ANGPTL2: variants seen among roughly 807,000 people sequenced by gnomAD.
The protein encoded by ANGPTL2 is angiopoietin-related protein 2.
A neutral mutation model predicts 52.8 loss-of-function variants in ANGPTL2; 25 were observed. The ratio of observed to expected loss-of-function variants is 0.47; its 90% CI spans 0.35 to 0.66. The LOEUF (loss-of-function observed/expected upper bound fraction) is 0.66. Among genes scored for constraint, ANGPTL2 ranks in the 30% least tolerant of loss-of-function variants. The probability of loss-of-function intolerance (pLI) is 0.01; values close to 1 mark genes in which losing one functional copy is unlikely to be tolerated. For missense variants in ANGPTL2, 546 were observed against 656.9 expected (o/e 0.83, Z 1.84); for synonymous variants, 276 against 277.4 (o/e 1.00, Z 0.05).
intron 2 of ANGPTL2, among the ~76,000 whole-genome samples, chr9:127,102,355 G>A: frequency 6.6e-6 from 1 of 151,296 alleles, no homozygotes; most frequent in East Asian, 1.9e-4. Context: ...TGGGGGTGGG[G>A]GTGGAGGGGG....
intron 1 of ANGPTL2, among the ~76,000 whole-genome samples, chr9:127,118,569 C>T (rs573085032): frequency 1.7e-4 from 26 of 152,162 alleles, no homozygotes; most frequent in Non-Finnish European, 2.9e-4. Flanking sequence ...ATGGAGAGAC[C>T]GTGGGAGAGG....
intron 3 of ANGPTL2, among the ~76,000 whole-genome samples, chr9:127,093,346 G>C (rs1439973815): frequency 6.6e-6 from 1 of 152,182 alleles, no homozygotes; most frequent in Non-Finnish European, 1.5e-5. Flanking sequence ...CTTGGGACTT[G>C]CGCCTTCTGG....
chr9:127,106,635 C>T (rs2054243075), intron 2 of ANGPTL2, among the ~76,000 whole-genome samples: 1 of 152,180 alleles, frequency 6.6e-6, no homozygotes, highest in Non-Finnish European at 1.5e-5. Flanking sequence ...CTCCAAAGCG[C>T]CTGCTCTCAA....
intron 1 of ANGPTL2, among the ~76,000 whole-genome samples, chr9:127,114,885 C>G (rs962458888): frequency 6.6e-6 from 1 of 152,218 alleles, no homozygotes; most frequent in African/African-American, 2.4e-5. Context: ...ATCATCAGGA[C>G]AGAAGACAGA....
chr9:127,102,407 A>G (rs990880216), intron 2 of ANGPTL2, among the ~76,000 whole-genome samples: 2 of 152,106 alleles, frequency 1.3e-5, no homozygotes, highest in African/African-American at 4.8e-5. Flanking sequence ...CACCACAACA[A>G]TCCATTTGTA....
chr9:127,093,368 G>A (rs186639094), intron 3 of ANGPTL2, among the ~76,000 whole-genome samples: 104 of 152,240 alleles, frequency 6.8e-4, no homozygotes, highest in African/African-American at 2.4e-3. Context: ...CTTTGAGAGC[G>A]GGTCTTTCCC....
chr9:127,093,677 C>T, intron 3 of ANGPTL2, 56 bp downstream of exon 3: 1 of 1,598,322 alleles, frequency 6.3e-7, no homozygotes, highest in Middle Eastern at 1.7e-4. Context: ...TCAGGCCTCT[C>T]TTGGGGTGGG....
chr9:127,093,308 G>A (rs2052702832), intron 3 of ANGPTL2, among the ~76,000 whole-genome samples: 1 of 152,174 alleles, frequency 6.6e-6, no homozygotes, highest in African/African-American at 2.4e-5. Flanking sequence ...AGGACTTTTT[G>A]GGGGATTCTC....
chr9:127,109,127 G>A lies in ANGPTL2; in HGVS notation c.-49-347C>T, dbSNP rs1564597203. Reference sequence around the variant, plus strand: ...CGTATCCAGGCAGCTTCAGGCTGGGGAGGGGAGGCAGAGGGAGGGTTTTCT... The same window carrying A: ...CGTATCCAGGCAGCTTCAGGCTGGGAAGGGGAGGCAGAGGGAGGGTTTTCT... On this transcript the variant is annotated intron_variant, in intron 1 of 4. Coordinates refer to ENST00000373425, the MANE Select transcript of ANGPTL2 (RefSeq NM_012098.3). Among the ~76,000 whole-genome samples the A allele has an allele frequency of 2.0e-5, 3 of 152,234 alleles. No individual in the cohort carries two copies. The East Asian group carries it at 5.8e-4, about 29-fold the overall frequency.
At chr9:127,102,979 G>A (rs2053879063) in intron 2 of ANGPTL2, among the ~76,000 whole-genome samples, 1 of 152,196 alleles carries the variant, frequency 6.6e-6, no homozygotes, top group South Asian at 2.1e-4. Flanking sequence ...GACTCAGGAT[G>A]GGCAGAGTCA....
chr9:127,104,760 G>T (rs1402823642), intron 2 of ANGPTL2, among the ~76,000 whole-genome samples: 1 of 152,236 alleles, frequency 6.6e-6, no homozygotes, highest in Non-Finnish European at 1.5e-5. Flanking sequence ...GAAGAAAAGA[G>T]CACATGGCTC....
rs563929332 is a variant in ANGPTL2, at chr9:127,115,066, G to A, written c.-49-6286C>T. Among the ~76,000 whole-genome samples the A allele has an allele frequency of 8.5e-5, 13 of 152,298 alleles. No homozygotes were observed. In the East Asian group the frequency reaches 1.2e-3, roughly 14 times the overall value. ...AGTAGTATTGCTAATAATGGCTGTC[G>A]TTTGTTGTGAATTTGGGTGCCCAGC... On this transcript the variant is annotated intron_variant, in intron 1 of 4. Coordinates refer to ENST00000373425, the MANE Select transcript of ANGPTL2 (RefSeq NM_012098.3).
intron 2 of ANGPTL2, among the ~76,000 whole-genome samples, chr9:127,104,721 C>G (rs567580641): frequency 6.6e-6 from 1 of 152,218 alleles, no homozygotes; most frequent in Admixed American, 6.5e-5. Flanking sequence ...TCCCTTAGTC[C>G]CCTGGGGAAG....
Position 127,089,153 on chromosome 9 carries a change from G to T in ANGPTL2, c.1283-15C>A. 6.2e-7 allele frequency: 1 copy of T among 1,613,780 alleles called. No individual in the cohort carries two copies. Among genetic ancestry groups the T allele is most frequent in the Non-Finnish European group, 8.5e-7 (1 of 1,179,738 alleles). ...GGCACAGTTTCCTGCAAGAGAGAAG[G>T]CAGTGAGAGGGTGTCTGGGAGGAGG... On this transcript the variant is annotated splice_polypyrimidine_tract_variant and intron_variant, in intron 4 of 4. Coordinates refer to ENST00000373425, the MANE Select transcript of ANGPTL2 (RefSeq NM_012098.3).
Position 127,093,870 on chromosome 9 carries a change from A to T in ANGPTL2, c.874T>A (p.Tyr292Asn). ...TTGGTGTTCTCCGGCTTCACCAGGT[A>T]GATGGAGCTGGTGTCGTGGCCATCC... is the stretch of plus-strand genomic sequence containing the variant. ...LEDGHDTSSI[Y>N]LVKPENTNRL... The change falls in exon 3 of 5, where the codon TAC (tyrosine) becomes AAC (asparagine). Residue 292 changes from tyrosine to asparagine, a missense_variant. By Grantham distance (143) the Tyr-to-Asn change is moderately radical. Around this residue, in one of 2 missense-constraint regions of ANGPTL2, gnomAD observed 261 missense variants for 361.0 expected, o/e 0.72. Coordinates refer to ENST00000373425, the MANE Select transcript of ANGPTL2 (RefSeq NM_012098.3). 6.2e-7 allele frequency: 1 copy of T among 1,614,098 alleles called. No homozygotes were observed. The highest frequency in any genetic ancestry group is 2.2e-5 in the East Asian group (1 of 44,860).
chr9:127,120,749 A>G (rs1221643311), intron 1 of ANGPTL2, among the ~76,000 whole-genome samples: 1 of 151,492 alleles, frequency 6.6e-6, no homozygotes, highest in Non-Finnish European at 1.5e-5. Flanking sequence ...AATGGCGTGA[A>G]CCCAGCAGGC....
At chr9:127,109,234 C>T (rs1442472491) in intron 1 of ANGPTL2, among the ~76,000 whole-genome samples, 1 of 152,336 alleles carries the variant, frequency 6.6e-6, no homozygotes, top group East Asian at 1.9e-4. Context: ...GAACTTTCCC[C>T]TTGTAATACC....
At chr9:127,121,097 C>A (rs958346476) in intron 1 of ANGPTL2, among the ~76,000 whole-genome samples, 1 of 152,166 alleles carries the variant, frequency 6.6e-6, no homozygotes, top group Non-Finnish European at 1.5e-5. Flanking sequence ...TACTTTACCT[C>A]AGTTTCCTCA....
In ANGPTL2 at chr9:127,091,798, C is replaced by A. The variant is rs141690990; in HGVS notation, c.1154G>T (p.Arg385Leu). The A allele has an allele frequency of 2.2e-5, 36 of 1,614,046 alleles. No homozygotes were observed. The highest frequency in any genetic ancestry group is 2.9e-5 in the Non-Finnish European group (34 of 1,180,046). ...RKVFAEYASF[R>L]LEPESEYYKL... Reference sequence around the variant, plus strand: ...ATAATACTCGCTCTCAGGTTCCAGGCGGAAACTGGCGTATTCTGCAAAGAC... The same window carrying A: ...ATAATACTCGCTCTCAGGTTCCAGGAGGAAACTGGCGTATTCTGCAAAGAC... Residue 385 changes from arginine (R) to leucine (L), a missense_variant, in exon 4 of 5, where the codon CGC becomes CTC. By Grantham distance (102) the Arg-to-Leu change is moderately radical. Transcript: ENST00000373425. The surrounding 1 kb of genome is among the most constrained non-coding windows in gnomAD (Gnocchi z 4.3).
Sources: gnomAD v4.1 joint callset for allele counts (sites outside exome capture counted in the v4.1 genomes callset) on GRCh38, gnomAD v4.1.1 for gene constraint, gnomAD v4.1.1 regional missense constraint, Gnocchi (gnomAD v3.1) non-coding constraint, MANE v1.5 for transcripts, NCBI Gene and HGNC (gene_info 2026-07-23, HGNC 2026-07-21) for gene names.